Variants in HEATR4 observed in about 807,000 individuals in gnomAD.
The protein encoded by HEATR4 is HEAT repeat containing 4, also known as HEAT repeat-containing protein 4.
A neutral mutation model predicts 108.8 loss-of-function variants in HEATR4; 95 were observed. That is an observed-to-expected ratio of 0.87 (90% CI 0.74 to 1.04). The LOEUF (loss-of-function observed/expected upper bound fraction) is 1.04, where lower values mean the gene tolerates loss of function less well. Among genes scored for constraint, HEATR4 ranks in the 50% least tolerant of loss-of-function variants. The pLI is 0.00. For missense variants in HEATR4, 1,152 were observed against 1,253.8 expected (o/e 0.92, Z 1.23); for synonymous variants, 443 against 459.4 (o/e 0.96, Z 0.46).
chr14:73,490,233 C>T (rs1885625994), intron 17 of HEATR4, among the ~76,000 whole-genome samples: 1 of 152,206 alleles, frequency 6.6e-6, no homozygotes, highest in Non-Finnish European at 1.5e-5. Flanking sequence ...TCAAGCAATT[C>T]TCCTGTCTCA....
intron 1 of HEATR4, among the ~76,000 whole-genome samples, chr14:73,553,451 C>T (rs1317295140): frequency 8.9e-6 from 1 of 112,096 alleles, no homozygotes; most frequent in Non-Finnish European, 1.9e-5. Context: ...GGTAGAGGTC[C>T]AGTGAGCCGG....
the HEATR4 span, chr14:73,613,055 G>C: frequency 4.5e-6 from 3 of 661,108 alleles, no homozygotes; most frequent in South Asian, 7.1e-5. Context: ...GAATTTGGTC[G>C]AGCTCTGCGA....
chr14:73,587,358 T>TG, the HEATR4 span, among the ~76,000 whole-genome samples: 5 of 54,680 alleles, frequency 9.1e-5, no homozygotes, highest in African/African-American at 6.3e-4. Flanking sequence ...CAACATCCAC[T>TG]TTTTTTTTTT....
chr14:73,617,060 C>G, the HEATR4 span: 2 of 1,315,808 alleles, frequency 1.5e-6, no homozygotes, highest in Non-Finnish European at 1.1e-6. Flanking sequence ...ACAGGGCCAG[C>G]CTCCTGGCCG....
the HEATR4 span, among the ~76,000 whole-genome samples, chr14:73,567,155 C>T: frequency 2.1e-3 from 312 of 152,014 alleles, 1 homozygote; most frequent in African/African-American, 7.0e-3. Context: ...CAGGTTGGTG[C>T]GAAACTCCTG....
At chr14:73,515,466 G>A (rs1349013502) in intron 5 of HEATR4, among the ~76,000 whole-genome samples, 1 of 151,820 alleles carries the variant, frequency 6.6e-6, no homozygotes, top group East Asian at 1.9e-4. Context: ...GATCACTTGA[G>A]GTCACAAGTT....
chr14:73,526,825 C>T (rs1437919731), intron 2 of HEATR4, among the ~76,000 whole-genome samples: 2 of 152,140 alleles, frequency 1.3e-5, no homozygotes, highest in African/African-American at 4.8e-5. Context: ...TGGGCAGGAT[C>T]CAATACTGTA....
At chr14:73,524,310 A>AATATATATAT (rs58047390) in intron 2 of HEATR4, among the ~76,000 whole-genome samples, 87 of 54,754 alleles carry the variant, frequency 1.6e-3, no homozygotes, top group Middle Eastern at 0.013. Context: ...AAAAAAAAAA[A>AATATATATAT]ATATATATAT....
chr14:73,539,340 C>A (rs60831148), intron 1 of HEATR4: 6,144 of 121,388 alleles, frequency 0.051, 1,559 homozygotes, highest in African/African-American at 0.16. Context: ...CTCCTCTTGG[C>A]CTCGAATGGT....
intron 1 of HEATR4, among the ~76,000 whole-genome samples, chr14:73,540,955 T>C (rs1338237384): frequency 4.3e-5 from 5 of 115,730 alleles, no homozygotes; most frequent in African/African-American, 1.4e-4. Context: ...TTGGCCAGGC[T>C]GGTCTCGAAC....
chr14:73,565,705 G>A, the HEATR4 span, among the ~76,000 whole-genome samples: 70 of 152,024 alleles, frequency 4.6e-4, no homozygotes, highest in South Asian at 0.01. Flanking sequence ...GGAGTTGTTC[G>A]TTTTTCCCGG....
At chr14:73,526,874 C>T (rs1888372094) in intron 2 of HEATR4, among the ~76,000 whole-genome samples, 1 of 152,206 alleles carries the variant, frequency 6.6e-6, no homozygotes, top group African/African-American at 2.4e-5. Context: ...AGTGCACTGC[C>T]ATCTGTGGTG....
the HEATR4 span, among the ~76,000 whole-genome samples, chr14:73,629,841 G>T: frequency 6.6e-6 from 1 of 151,704 alleles, no homozygotes; most frequent in South Asian, 2.1e-4. Context: ...TAGAGACGGG[G>T]TTTCACCGTG....
In HEATR4 at chr14:73,533,040, C is replaced by A. The variant is rs1347375075; in HGVS notation, c.-151-2796G>T. The stretch of plus-strand genomic sequence containing the variant: ...ATAACCCTGCTAAGGCAGGAGGATC[C>A]TTTGAGCCCAGGAGTTTGAGGCTGC... On this transcript the variant is annotated intron_variant, in intron 1 of 17. Coordinates refer to ENST00000553558, the MANE Select transcript of HEATR4 (RefSeq NM_001220484.1). Among the ~76,000 whole-genome samples, 20 of 114,784 alleles carry A rather than the reference C, an allele frequency of 1.7e-4. 3 individuals carry two copies. Among genetic ancestry groups the A allele is most frequent in the South Asian group, 2.8e-4 (1 of 3,616 alleles). The allele number at this position is 114,784 out of a possible 152,430, so 75.3% of individuals were successfully genotyped here. A position where few individuals can be genotyped will look rare whatever the true frequency, so the allele number is the denominator to read the frequency against.
chr14:73,624,013 C>T, the HEATR4 span, among the ~76,000 whole-genome samples: 1 of 151,760 alleles, frequency 6.6e-6, no homozygotes, highest in African/African-American at 2.4e-5. Flanking sequence ...TTGGCCAGGG[C>T]CAGTGGCTCA....
chr14:73,576,012 G>A, the HEATR4 span, among the ~76,000 whole-genome samples: 1 of 151,914 alleles, frequency 6.6e-6, no homozygotes, highest in Non-Finnish European at 1.5e-5. Flanking sequence ...AATTAGCCAG[G>A]CGTGGTGGCA....
At position 73,519,093 on chromosome 14, in the gene HEATR4, G is replaced by A; in HGVS notation, c.1140C>T (p.Tyr380=). 1 of 1,613,968 alleles carries A rather than the reference G, an allele frequency of 6.2e-7. No homozygotes were observed. The highest frequency in any genetic ancestry group is 8.5e-7 in the Non-Finnish European group (1 of 1,179,900). The part of the protein sequence containing the change: ...DQIVLENLNR[Y]NKQLSKVFPE... Reference sequence around the variant, plus strand: ...GGAAGACCTTAGATAGCTGCTTGTTGTACCGATTTAGGTTTTCCAGGACAA... The same window carrying A: ...GGAAGACCTTAGATAGCTGCTTGTTATACCGATTTAGGTTTTCCAGGACAA... Residue 380 remains tyrosine (Y), a synonymous_variant, in exon 5 of 18, where the codon TAC becomes TAT. Coordinates refer to ENST00000553558, the MANE Select transcript of HEATR4 (RefSeq NM_001220484.1).
In HEATR4 at chr14:73,504,575, C is replaced by T. The variant is rs796259758; in HGVS notation, c.1987-1562G>A. On this transcript the variant is annotated intron_variant, in intron 10 of 17. Coordinates refer to ENST00000553558, the MANE Select transcript of HEATR4 (RefSeq NM_001220484.1). Reference sequence around the variant, plus strand: ...CATTTCTAATAATGCTCCTAGGTGACGCCTGTGCTGCTGGTCCAGGACTTT... The same window carrying T: ...CATTTCTAATAATGCTCCTAGGTGATGCCTGTGCTGCTGGTCCAGGACTTT... Among the ~76,000 whole-genome samples, 4 of 152,086 alleles carry T rather than the reference C, an allele frequency of 2.6e-5. No individual in the cohort carries two copies. In the South Asian group the frequency reaches 6.2e-4, roughly 24 times the overall value.
At chr14:73,506,667 A>T in intron 9 of HEATR4, 96 bp from the exon 10 acceptor site, 1 of 887,434 alleles carries the variant, frequency 1.1e-6, no homozygotes, top group Non-Finnish European at 1.8e-6. Context: ...TGCATAATTA[A>T]TGTCACCAGT....
Sources: gnomAD v4.1 joint callset for allele counts (sites outside exome capture counted in the v4.1 genomes callset) on GRCh38, gnomAD v4.1.1 for gene constraint, MANE v1.5 for transcripts, NCBI Gene and HGNC (gene_info 2026-07-23, HGNC 2026-07-21) for gene names.